The following CDKL3 variants were observed in gnomAD, a reference collection of about 807,000 sequenced individuals.
CDKL3 encodes cyclin-dependent kinase-like 3.
A neutral mutation model predicts 69.3 loss-of-function variants in CDKL3; 65 were observed. That is an observed-to-expected ratio of 0.94 (90% confidence interval 0.77 to 1.15). The LOEUF is 1.15. Ranked by LOEUF, CDKL3 falls within the 50% of genes most tolerant of loss-of-function variation. CDKL3 has a pLI of 0.00. For missense variants in CDKL3, 652 were observed against 689.2 expected, an observed-to-expected ratio of 0.95 and a Z score of 0.61; for synonymous variants, 202 against 221.6, an observed-to-expected ratio of 0.91 and a Z score of 0.79.
chr5:134,290,845 G>T (rs1341530395), intron 8 of CDKL3, among the ~76,000 whole-genome samples: 1 of 152,000 alleles, frequency 6.6e-6, no homozygotes, highest in Non-Finnish European at 1.5e-5. Context: ...TCTGACTTAA[G>T]TTTTATTAAG....
At chr5:134,306,273 T>C (rs1024462896) in intron 10 of CDKL3, among the ~76,000 whole-genome samples, 1 of 152,106 alleles carries the variant, frequency 6.6e-6, no homozygotes, top group Non-Finnish European at 1.5e-5. Flanking sequence ...GGCGGAAGGA[T>C]CCCTTGAGCT....
intron 6 of CDKL3, among the ~76,000 whole-genome samples, chr5:134,315,412 G>C (rs1770761206): frequency 6.6e-6 from 1 of 152,094 alleles, no homozygotes; most frequent in African/African-American, 2.4e-5. Flanking sequence ...AATCACTGCA[G>C]TCTCAAATTC....
At chr5:134,353,613 G>C (rs560466201) in intron 3 of CDKL3, among the ~76,000 whole-genome samples, 5 of 150,300 alleles carry the variant, frequency 3.3e-5, no homozygotes, top group Admixed American at 6.7e-5. Context: ...GTGCAGTGGC[G>C]CAATCTCGGC....
intron 12 of CDKL3, among the ~76,000 whole-genome samples, chr5:134,301,734 A>G: frequency 6.6e-6 from 1 of 152,070 alleles, no homozygotes; most frequent in Non-Finnish European, 1.5e-5. Flanking sequence ...ATTTTTTAAA[A>G]AAAATAGCTG....
At chr5:134,360,281 T>G (rs1303376396) in intron 2 of CDKL3, among the ~76,000 whole-genome samples, 190 bp from the exon 3 acceptor site, 1 of 152,194 alleles carries the variant, frequency 6.6e-6, no homozygotes, top group South Asian at 2.1e-4. Flanking sequence ...CTTGGCTCAG[T>G]GCAACCTCCA....
intron 3 of CDKL3, among the ~76,000 whole-genome samples, chr5:134,350,924 G>T (rs1753147668): frequency 6.6e-6 from 1 of 151,642 alleles, no homozygotes; most frequent in Admixed American, 6.6e-5. Flanking sequence ...TCTCACTCCA[G>T]TTCCTGCCCT....
chr5:134,347,502 T>C (rs1163308644), intron 4 of CDKL3, among the ~76,000 whole-genome samples: 2 of 151,834 alleles, frequency 1.3e-5, no homozygotes, highest in Admixed American at 6.6e-5. Flanking sequence ...ATAACCCAGA[T>C]GTCCATCAGT....
At chr5:134,323,282 A>G (rs1384476763) in intron 4 of CDKL3, among the ~76,000 whole-genome samples, 1 of 152,212 alleles carries the variant, frequency 6.6e-6, no homozygotes, top group Non-Finnish European at 1.5e-5. Context: ...CAACGTATAT[A>G]TATACCTCAA....
At chr5:134,363,740 C>T (rs942479674) in intron 2 of CDKL3, among the ~76,000 whole-genome samples, 3 of 151,930 alleles carry the variant, frequency 2.0e-5, no homozygotes, top group Non-Finnish European at 4.4e-5. Context: ...GGATTACTGG[C>T]GTGAACCACC....
intron 4 of CDKL3, among the ~76,000 whole-genome samples, chr5:134,343,828 T>C (rs1312679484): frequency 6.6e-6 from 1 of 152,150 alleles, no homozygotes; most frequent in Non-Finnish European, 1.5e-5. Context: ...CCTTAAAAAC[T>C]CTGCTCCCTG....
At chr5:134,285,890 A>G (rs1764838570), downstream of CDKL3, among the ~76,000 whole-genome samples, 2 of 152,138 alleles carry the variant, frequency 1.3e-5, no homozygotes, top group Admixed American at 6.5e-5. Context: ...TTGGGAGGCC[A>G]AGGCATGTGG....
intron 3 of CDKL3, among the ~76,000 whole-genome samples, chr5:134,351,235 C>T (rs1753229145): frequency 6.6e-6 from 1 of 152,146 alleles, no homozygotes; most frequent in African/African-American, 2.4e-5. Context: ...GTTCCTAAAA[C>T]ATAGGGTCCT....
At chr5:134,331,223 T>C (rs990425253) in intron 4 of CDKL3, among the ~76,000 whole-genome samples, 2 of 152,158 alleles carry the variant, frequency 1.3e-5, no homozygotes, top group East Asian at 3.8e-4. Context: ...ACAAGATAAA[T>C]GTTTTCCTCA....
intron 11 of CDKL3, among the ~76,000 whole-genome samples, chr5:134,304,119 G>C (rs1287244943): frequency 1.3e-5 from 2 of 151,908 alleles, no homozygotes; most frequent in Non-Finnish European, 2.9e-5. Context: ...TGTAGAGACA[G>C]GGTTTTGCTA....
intron 2 of CDKL3, among the ~76,000 whole-genome samples, chr5:134,361,124 T>G (rs1755899844): frequency 6.6e-6 from 1 of 152,254 alleles, no homozygotes; most frequent in South Asian, 2.1e-4. Flanking sequence ...CAAATGAGAT[T>G]TAATATTGTA....
At chr5:134,333,845 C>T (rs895127325) in intron 4 of CDKL3, among the ~76,000 whole-genome samples, 1 of 152,226 alleles carries the variant, frequency 6.6e-6, no homozygotes, top group South Asian at 2.1e-4. Flanking sequence ...AGGGAGGAGT[C>T]CCTCTTTTTC....
intron 3 of CDKL3, 102 bp downstream of exon 3, chr5:134,359,795 T>C (rs535093116): frequency 3.0e-5 from 24 of 809,622 alleles, no homozygotes; most frequent in Non-Finnish European, 4.6e-5. Context: ...TATTATTGTA[T>C]AGAAAAAGAA....
intron 10 of CDKL3, among the ~76,000 whole-genome samples, chr5:134,305,270 G>A (rs866659642): frequency 2.0e-5 from 3 of 151,804 alleles, no homozygotes; most frequent in East Asian, 1.9e-4. Context: ...CACCACACAC[G>A]ACTAATTTAT....
intron 4 of CDKL3, among the ~76,000 whole-genome samples, chr5:134,328,788 G>A (rs1224173134): frequency 2.0e-5 from 3 of 152,022 alleles, no homozygotes; most frequent in Non-Finnish European, 4.4e-5. Flanking sequence ...AGAGAACTTT[G>A]GTAAGATTAA....
Sources: allele counts gnomAD v4.1 joint callset (sites outside exome capture counted in the v4.1 genomes callset), GRCh38; gene constraint gnomAD v4.1.1; transcripts MANE v1.5; gene names NCBI Gene and HGNC (gene_info 2026-07-23, HGNC 2026-07-21).